OCA2: variants seen among roughly 807,000 people sequenced by gnomAD.
OCA2 encodes OCA2 melanosomal transmembrane protein.
In OCA2, 77 loss-of-function variants were observed where a neutral mutation model predicts 100.2. That is an observed-to-expected ratio of 0.77 (90% CI 0.64 to 0.93). The LOEUF is 0.93. Ranked by LOEUF, OCA2 falls within the 40% of genes least tolerant of loss-of-function variation. The pLI is 0.00. For synonymous variants in OCA2, 432 were observed against 439.2 expected (o/e 0.98, Z 0.21); for missense variants, 1,062 against 1,089.1 (o/e 0.98, Z 0.35).
chr15:27,750,457 A>G (rs2030030354), downstream of OCA2, among the ~76,000 whole-genome samples: 1 of 152,188 alleles, frequency 6.6e-6, no homozygotes, highest in Admixed American at 6.5e-5. Context: ...TAATATGCAC[A>G]GTTGGTTAAT....
chr15:28,004,089 G>A (rs943471382), intron 9 of OCA2, among the ~76,000 whole-genome samples: 1 of 152,228 alleles, frequency 6.6e-6, no homozygotes, highest in Non-Finnish European at 1.5e-5. Context: ...GGGTCTCTCT[G>A]CACGTCACTG....
intron 5 of OCA2, among the ~76,000 whole-genome samples, chr15:28,024,073 A>G (rs1354551359): frequency 6.6e-6 from 1 of 152,228 alleles, no homozygotes; most frequent in Non-Finnish European, 1.5e-5. Flanking sequence ...GCCACAAAGC[A>G]CACCAAGGCT....
At chr15:27,877,394 T>C (rs2036834735) in intron 19 of OCA2, among the ~76,000 whole-genome samples, 2 of 151,870 alleles carry the variant, frequency 1.3e-5, no homozygotes, top group Non-Finnish European at 2.9e-5. Context: ...TTTTTTTTTG[T>C]CTAGGTGTTC....
At chr15:28,094,179 C>A (rs939641096) in intron 1 of OCA2, among the ~76,000 whole-genome samples, 6 of 152,104 alleles carry the variant, frequency 3.9e-5, no homozygotes, top group East Asian at 1.9e-4. Context: ...CCCCAACACC[C>A]TAGCACACAG....
In OCA2 at chr15:28,014,859, G is replaced by A. The variant is rs542587081; in HGVS notation, c.961C>T (p.Gln321Ter). 1 of 1,614,150 alleles carries A rather than the reference G, an allele frequency of 6.2e-7. No individual in the cohort carries two copies. Among genetic ancestry groups the A allele is most frequent in the African/African-American group, 1.3e-5 (1 of 75,038 alleles). Residue 321 changes from glutamine (Q) to a stop codon, truncating the protein, a stop_gained, in exon 9 of 24, where the codon CAG becomes TAG. Transcript: ENST00000354638. LOFTEE classifies it high-confidence loss of function. ...TQAVPLLMAHQYLRGSVETQV... is the reference protein window; with the variant it reads ...TQAVPLLMAH Reference sequence around the variant, plus strand: ...GTTTCTACACTTCCGCGGAGGTACTGATGAGCCATCAAAAGAGGGACAGCC... The same window carrying A: ...GTTTCTACACTTCCGCGGAGGTACTAATGAGCCATCAAAAGAGGGACAGCC...
chr15:27,965,281 ATTAAT>A (rs1268043607), intron 15 of OCA2, among the ~76,000 whole-genome samples: 9 of 152,318 alleles, frequency 5.9e-5, no homozygotes, highest in African/African-American at 1.9e-4. Context: ...AAACCTATAT[ATTAAT>A]TTATCTTACT....
At chr15:27,955,092 A>G in intron 17 of OCA2, 66 bp downstream of exon 17, 1 of 1,111,828 alleles carries the variant, frequency 9.0e-7, no homozygotes, top group Non-Finnish European at 1.4e-6. Flanking sequence ...AGGGAAGGAA[A>G]AGGCATCACT....
Position 27,755,443 on chromosome 15 carries a change from C to A in OCA2, c.2462G>T (p.Cys821Phe). 1.2e-6 allele frequency: 2 copies of A among 1,613,884 alleles called. No individual in the cohort carries two copies. Among genetic ancestry groups the A allele is most frequent in the Non-Finnish European group, 1.7e-6 (2 of 1,179,808 alleles). Residue 821 changes from cysteine to phenylalanine, a missense_variant, in exon 24 of 24, where the codon TGC (cysteine) becomes TTC (phenylalanine). By Grantham distance (205) the Cys-to-Phe change is radical (BLOSUM62 -2). Coordinates refer to ENST00000354638, the MANE Select transcript of OCA2 (RefSeq NM_000275.3). The part of the protein sequence containing the change: ...RLGFPMMVVS[C>F]TVGMCYLLVA... ...AAGGAGATAACACATCCCAACAGTG[C>A]AGGACACAACCATCATTGGGAAGCC...
chr15:28,042,472 C>CAAAAAAAAA (rs972724008), intron 2 of OCA2, among the ~76,000 whole-genome samples: 2 of 97,272 alleles, frequency 2.1e-5, no homozygotes, highest in Admixed American at 1.0e-4. Context: ...ACTAAAAATA[C>CAAAAAAAAA]AAAAAAAAAA....
At chr15:27,961,371 C>T (rs1156856605) in intron 15 of OCA2, among the ~76,000 whole-genome samples, 4 of 152,180 alleles carry the variant, frequency 2.6e-5, no homozygotes, top group African/African-American at 9.7e-5. Flanking sequence ...CTAGTTCAGC[C>T]ATTGTGGAAG....
intron 21 of OCA2, among the ~76,000 whole-genome samples, chr15:27,854,925 T>C (rs1489738842): frequency 2.0e-5 from 3 of 152,126 alleles, no homozygotes; most frequent in African/African-American, 7.2e-5. Context: ...GAGGAGGCAA[T>C]GTCTTCAAGC....
In OCA2 at chr15:27,906,388, A is replaced by G. The variant is rs191298811; in HGVS notation, c.2079+19739T>C. On this transcript the variant is annotated intron_variant, in intron 19 of 23. Transcript: ENST00000354638. ...GCCCAAAAGACAATAGACAAAAATG[A>G]AAATATAACAAGGGTCACTAAATAA... Among the ~76,000 whole-genome samples, 330 of 152,346 alleles carry G rather than the reference A, an allele frequency of 2.2e-3. 1 individual carries two copies. The highest frequency in any genetic ancestry group is 1.6e-3 in the Non-Finnish European group (111 of 68,036).
intron 19 of OCA2, among the ~76,000 whole-genome samples, chr15:27,904,778 G>A (rs1389740769): frequency 6.6e-6 from 1 of 151,870 alleles, no homozygotes; most frequent in Non-Finnish European, 1.5e-5. Flanking sequence ...CCTCAAGCTT[G>A]CCTGGGTAGG....
intron 1 of OCA2, among the ~76,000 whole-genome samples, chr15:28,085,542 T>C (rs2044762839): frequency 6.6e-6 from 1 of 151,950 alleles, no homozygotes; most frequent in Non-Finnish European, 1.5e-5. Flanking sequence ...GAGCAAAACG[T>C]CCCAGAATGG....
intron 2 of OCA2, among the ~76,000 whole-genome samples, chr15:28,074,034 CA>C (rs1436629123): frequency 2.0e-5 from 3 of 146,690 alleles, no homozygotes; most frequent in Admixed American, 6.8e-5. Flanking sequence ...ACACACAGTA[CA>C]AAAAAAAATC....
intron 23 of OCA2, among the ~76,000 whole-genome samples, chr15:27,770,958 C>A (rs145994602): frequency 0.011 from 561 of 53,032 alleles, 4 homozygotes; most frequent in African/African-American, 0.038. Context: ...TTCCATCTTT[C>A]CTTCCTCCCT....
At chr15:27,870,883 G>T (rs1038338640) in intron 21 of OCA2, among the ~76,000 whole-genome samples, 1 of 150,260 alleles carries the variant, frequency 6.7e-6, no homozygotes, top group Non-Finnish European at 1.5e-5. Flanking sequence ...TCTGGGAGGG[G>T]TGGCAGCTCT....
At chr15:27,962,566 A>G (rs982997888) in intron 15 of OCA2, among the ~76,000 whole-genome samples, 11 of 152,330 alleles carry the variant, frequency 7.2e-5, no homozygotes, top group African/African-American at 2.4e-4. Context: ...ATGGAACTAT[A>G]CTAGTGTTAA....
the OCA2 span, among the ~76,000 whole-genome samples, chr15:27,723,345 G>A: frequency 1.3e-5 from 2 of 152,184 alleles, no homozygotes; most frequent in East Asian, 1.9e-4. Flanking sequence ...AACAAATGAC[G>A]TGTGCACGCA....
Sources: gnomAD v4.1 joint callset for allele counts (sites outside exome capture counted in the v4.1 genomes callset) on GRCh38, gnomAD v4.1.1 for gene constraint, MANE v1.5 for transcripts, NCBI Gene and HGNC (gene_info 2026-07-23, HGNC 2026-07-21) for gene names.